The following ZDHHC13 variants were observed in gnomAD, a reference collection of about 807,000 sequenced individuals.
The protein encoded by ZDHHC13 is palmitoyltransferase ZDHHC13.
In ZDHHC13, 85 loss-of-function variants were observed where a neutral mutation model predicts 86.0. The ratio of observed to expected loss-of-function variants is 0.99; its 90% CI spans 0.83 to 1.18. The LOEUF (loss-of-function observed/expected upper bound fraction) is 1.18. ZDHHC13 is among the 50% of genes most tolerant of loss of function. The pLI, the probability that ZDHHC13 is intolerant of heterozygous loss-of-function variation, is 0.00. For missense variants in ZDHHC13, 711 were observed against 730.2 expected, an observed-to-expected ratio of 0.97 and a Z score of 0.30; for synonymous variants, 263 against 246.4, an observed-to-expected ratio of 1.07 and a Z score of -0.63.
Position 19,147,607 on chromosome 11 carries a change from CA to C in ZDHHC13, c.312del (p.Gly105ValfsTer4). On this transcript the variant is annotated frameshift_variant, in exon 4 of 17. Transcript: ENST00000446113. LOFTEE classifies it high-confidence loss of function. ...TCTGCTTTTAACAGGTTTTATATTT[CA>C]AAAGGTGCTGTTGTAGATCAGTTGG... is the stretch of plus-strand genomic sequence containing the variant. ...NRLDLVKFYI[S>X]KGAVVDQLGG... The C allele has an allele frequency of 1.3e-6, 2 of 1,597,070 alleles. No individual in the cohort carries two copies. Among genetic ancestry groups the C allele is most frequent in the Admixed American group, 1.7e-5 (1 of 57,822 alleles).
At chr11:19,134,813 A>C (rs1365010083) in intron 1 of ZDHHC13, among the ~76,000 whole-genome samples, 1 of 152,222 alleles carries the variant, frequency 6.6e-6, no homozygotes, top group Non-Finnish European at 1.5e-5. Flanking sequence ...CTATGTAACA[A>C]ACCTGCACGT....
chr11:19,164,499 C>T, intron 12 of ZDHHC13, 136 bp downstream of exon 12: 1 of 796,012 alleles, frequency 1.3e-6, no homozygotes, highest in East Asian at 2.7e-5. Context: ...ACATTCCTGT[C>T]TGAACAGCTT....
chr11:19,163,116 A>G (rs963273771), intron 10 of ZDHHC13, among the ~76,000 whole-genome samples, 187 bp from the exon 11 acceptor site: 11 of 152,188 alleles, frequency 7.2e-5, no homozygotes, highest in African/African-American at 2.4e-4. Context: ...ATAAGGAAAC[A>G]TTAATTATTA....
intron 8 of ZDHHC13, among the ~76,000 whole-genome samples, chr11:19,154,658 A>G (rs1055908473): frequency 6.6e-6 from 1 of 152,168 alleles, no homozygotes; most frequent in Non-Finnish European, 1.5e-5. Flanking sequence ...CTGAATTAGT[A>G]GCATCATGAG....
intron 3 of ZDHHC13, 56 bp downstream of exon 3, chr11:19,146,359 TTTA>T (rs1849467253): frequency 9.6e-6 from 15 of 1,564,376 alleles, no homozygotes; most frequent in Middle Eastern, 1.7e-4. Context: ...CTCTCCTTCA[TTTA>T]TCTTTTTCTT....
At chr11:19,144,432 AGT>A (rs142248923) in intron 2 of ZDHHC13, among the ~76,000 whole-genome samples, 3,407 of 142,376 alleles carry the variant, frequency 0.024, 43 homozygotes, top group East Asian at 0.089. Flanking sequence ...AGAGCTATGG[AGT>A]GTGTGTGTGT....
At chr11:19,166,830 G>C (rs1040351056) in intron 14 of ZDHHC13, 1 of 153,506 alleles carries the variant, frequency 6.5e-6, no homozygotes, top group Non-Finnish European at 1.4e-5. Flanking sequence ...AGTTGAAACT[G>C]AGAACTGATG....
At chr11:19,136,655 A>C (rs1303760812) in intron 1 of ZDHHC13, among the ~76,000 whole-genome samples, 5 of 152,124 alleles carry the variant, frequency 3.3e-5, no homozygotes, top group African/African-American at 9.7e-5. Context: ...AAAAATGTTA[A>C]GGGCAGCCAG....
At chr11:19,158,375 A>G (rs2133446326) in intron 9 of ZDHHC13, among the ~76,000 whole-genome samples, 1 of 152,172 alleles carries the variant, frequency 6.6e-6, no homozygotes, top group South Asian at 2.1e-4. Flanking sequence ...CCCAAGTGAG[A>G]TTGTTAGTGT....
At chr11:19,153,174 C>T (rs1849660202) in intron 8 of ZDHHC13, among the ~76,000 whole-genome samples, 1 of 152,106 alleles carries the variant, frequency 6.6e-6, no homozygotes, top group Non-Finnish European at 1.5e-5. Context: ...AAAGAAAACA[C>T]TGGAATTTTG....
chr11:19,159,572 C>G (rs964721933), intron 10 of ZDHHC13, among the ~76,000 whole-genome samples: 2 of 150,194 alleles, frequency 1.3e-5, no homozygotes, highest in Admixed American at 6.6e-5. Flanking sequence ...ATGCTTTACT[C>G]TATGGTGTTA....
chr11:19,137,801 C>T (rs1849186996), intron 1 of ZDHHC13, among the ~76,000 whole-genome samples: 1 of 152,244 alleles, frequency 6.6e-6, no homozygotes, highest in Admixed American at 6.5e-5. Flanking sequence ...CAACCTGCTC[C>T]TGAATGACTA....
intron 16 of ZDHHC13, among the ~76,000 whole-genome samples, chr11:19,175,067 CAG>C (rs1407880591): frequency 6.6e-6 from 1 of 152,068 alleles, no homozygotes; most frequent in Non-Finnish European, 1.5e-5. Context: ...GGAATTGAGA[CAG>C]AGAATTCATT....
chr11:19,157,742 T>C (rs1346294424), intron 9 of ZDHHC13, among the ~76,000 whole-genome samples: 1 of 152,226 alleles, frequency 6.6e-6, no homozygotes, highest in Non-Finnish European at 1.5e-5. Context: ...GAGATTATGT[T>C]TGGTTGTTCG....
Position 19,155,787 on chromosome 11 carries a change from T to C in ZDHHC13, c.874-9T>C, listed in dbSNP as rs1180901429. 2 of 1,607,102 alleles carry C rather than the reference T, an allele frequency of 1.2e-6. No homozygotes were observed. Among genetic ancestry groups the C allele is most frequent in the Admixed American group, 1.7e-5 (1 of 57,936 alleles). ...CCATAAAGTTCTAAAATTCTGAATCTCTTAATAGCTCTTCCTGCTGCTGAT... is the reference window on the plus strand; with the variant it reads ...CCATAAAGTTCTAAAATTCTGAATCCCTTAATAGCTCTTCCTGCTGCTGAT... On this transcript the variant is annotated splice_polypyrimidine_tract_variant and intron_variant, in intron 8 of 16. Coordinates refer to ENST00000446113, the MANE Select transcript of ZDHHC13 (RefSeq NM_019028.3).
intron 4 of ZDHHC13, among the ~76,000 whole-genome samples, chr11:19,148,162 C>T (rs909427521): frequency 2.0e-5 from 3 of 151,616 alleles, no homozygotes; most frequent in Admixed American, 6.6e-5. Flanking sequence ...TGTGGTCACT[C>T]TCCTTTTTTC....
chr11:19,120,648 CTGTT>C (rs1414560590), intron 1 of ZDHHC13, among the ~76,000 whole-genome samples: 2 of 152,182 alleles, frequency 1.3e-5, no homozygotes, highest in Non-Finnish European at 2.9e-5. Flanking sequence ...ATTCATATGT[CTGTT>C]AGATAATTTT....
At chr11:19,134,981 A>G (rs899328865) in intron 1 of ZDHHC13, among the ~76,000 whole-genome samples, 1 of 152,192 alleles carries the variant, frequency 6.6e-6, no homozygotes, top group African/African-American at 2.4e-5. Context: ...GCAGTGAGCT[A>G]TGATCACACT....
intron 1 of ZDHHC13, among the ~76,000 whole-genome samples, chr11:19,138,736 C>T (rs963261037): frequency 3.3e-5 from 5 of 151,748 alleles, no homozygotes; most frequent in Non-Finnish European, 5.9e-5. Flanking sequence ...GGCTTCATAC[C>T]TGGGATGCAA....
Sources: allele counts gnomAD v4.1 joint callset (sites outside exome capture counted in the v4.1 genomes callset), GRCh38; gene constraint gnomAD v4.1.1; transcripts MANE v1.5; gene names NCBI Gene and HGNC (gene_info 2026-07-23, HGNC 2026-07-21).